The following TDP2 variants were observed in gnomAD, a reference collection of about 807,000 sequenced individuals.
The protein encoded by TDP2 is tyrosyl-DNA phosphodiesterase 2, also known as 5'-Tyr-DNA phosphodiesterase.
In TDP2, 38 loss-of-function variants were observed where a neutral mutation model predicts 42.8. That is an observed-to-expected ratio of 0.89 (90% confidence interval 0.68 to 1.16). The LOEUF is 1.16. TDP2 is among the 50% of genes most tolerant of loss of function. TDP2 has a pLI of 0.00. For missense variants in TDP2, 439 were observed against 439.3 expected (o/e 1.00, Z 0.01); for synonymous variants, 173 against 150.6 (o/e 1.15, Z -1.09).
At chr6:24,653,205 A>T in intron 5 of TDP2, 52 bp from the exon 6 acceptor site, 1 of 1,542,854 alleles carries the variant, frequency 6.5e-7, no homozygotes, top group Non-Finnish European at 8.9e-7. Context: ...TTAATACTGA[A>T]CTTTAATAAT....
chr6:24,659,494 CGTAG>C (rs1229552163), intron 2 of TDP2, among the ~76,000 whole-genome samples: 1 of 151,754 alleles, frequency 6.6e-6, no homozygotes, highest in African/African-American at 2.4e-5. Flanking sequence ...CTTTTGGGTT[CGTAG>C]ATAGATTCTT....
At chr6:24,657,734 A>G (rs750123342) in intron 4 of TDP2, 78 bp downstream of exon 4, 35 of 785,888 alleles carry the variant, frequency 4.5e-5, no homozygotes, top group Admixed American at 8.8e-5. Flanking sequence ...TCTATGTCCC[A>G]ATAGACCAAC....
chr6:24,651,734 G>A (rs930510092), intron 6 of TDP2, among the ~76,000 whole-genome samples: 1 of 152,104 alleles, frequency 6.6e-6, no homozygotes, highest in Non-Finnish European at 1.5e-5. Context: ...TCACAGGCAT[G>A]TGCCACAATG....
chr6:24,658,463 C>T (rs1047877676), intron 3 of TDP2, 98 bp downstream of exon 3: 30 of 921,384 alleles, frequency 3.3e-5, no homozygotes, highest in Middle Eastern at 4.6e-4. Context: ...CAGAGCTGGA[C>T]ATTGAACTTA....
intron 3 of TDP2, 34 bp downstream of exon 3, chr6:24,658,527 C>A: frequency 1.3e-6 from 2 of 1,554,030 alleles, no homozygotes; most frequent in Non-Finnish European, 8.8e-7. Flanking sequence ...ATACATAAGA[C>A]ACATTACTAT....
chr6:24,651,834 A>ACCTG (rs1777981094), intron 6 of TDP2, among the ~76,000 whole-genome samples: 1 of 152,104 alleles, frequency 6.6e-6, no homozygotes, highest in Non-Finnish European at 1.5e-5. Context: ...TGATCTGCCC[A>ACCTG]CCTCGGCCTC....
chr6:24,652,781 A>G, intron 6 of TDP2: 1 of 559,948 alleles, frequency 1.8e-6, no homozygotes, highest in Non-Finnish European at 3.2e-6. Context: ...TCTCATGCAC[A>G]TTTTTATTTT....
At chr6:24,651,259 C>T (rs999786094) in intron 6 of TDP2, among the ~76,000 whole-genome samples, 190 bp from the exon 7 acceptor site, 8 of 152,102 alleles carry the variant, frequency 5.3e-5, no homozygotes, top group African/African-American at 1.9e-4. Flanking sequence ...TCAAGACAGC[C>T]AGAGGGGTTT....
At chr6:24,654,906 C>T (rs1778039667) in intron 4 of TDP2, among the ~76,000 whole-genome samples, 1 of 152,234 alleles carries the variant, frequency 6.6e-6, no homozygotes, top group East Asian at 1.9e-4. Flanking sequence ...GGCGTGGTGG[C>T]ACATGCCTGT....
At chr6:24,662,814 C>T (rs965093410) in intron 2 of TDP2, among the ~76,000 whole-genome samples, 4 of 152,204 alleles carry the variant, frequency 2.6e-5, no homozygotes, top group African/African-American at 9.7e-5. Flanking sequence ...AGAGAAAAAG[C>T]CAAGTGATTC....
intron 4 of TDP2, among the ~76,000 whole-genome samples, chr6:24,654,835 G>GT (rs1036790764): frequency 1.3e-5 from 2 of 152,174 alleles, no homozygotes; most frequent in African/African-American, 4.8e-5. Context: ...GAGGTCAGGA[G>GT]TTTGAGACCA....
intron 2 of TDP2, among the ~76,000 whole-genome samples, chr6:24,663,750 G>A (rs1219263629): frequency 1.3e-5 from 2 of 152,200 alleles, no homozygotes; most frequent in African/African-American, 2.4e-5. Flanking sequence ...AGGCCCAGCA[G>A]AGGCTGGGGC....
In TDP2 at chr6:24,657,795, A is replaced by T. The variant is rs1463341727; in HGVS notation, c.517+17T>A. On this transcript the variant is annotated intron_variant, in intron 4 of 6. Transcript: ENST00000378198. Reference sequence around the variant, plus strand: ...GTTTTTCAAAGAAAAGACAAGTTGAATAACAAAAATTGTTACCTGTAATAA... The same window carrying T: ...GTTTTTCAAAGAAAAGACAAGTTGATTAACAAAAATTGTTACCTGTAATAA... The T allele has an allele frequency of 1.4e-6, 2 of 1,429,446 alleles. No homozygotes were observed. The highest frequency in any genetic ancestry group is 1.9e-6 in the Non-Finnish European group (2 of 1,041,034). The allele number at this position is 1,429,446 out of a possible 1,614,324, so 88.5% of individuals were successfully genotyped here. A position where few individuals can be genotyped will look rare whatever the true frequency, so the allele number is the denominator to read the frequency against.
intron 2 of TDP2, among the ~76,000 whole-genome samples, chr6:24,660,638 T>C (rs1778126989): frequency 6.6e-6 from 1 of 152,234 alleles, no homozygotes; most frequent in Admixed American, 6.5e-5. Context: ...GATATAAGTT[T>C]TTCTTTTTCT....
At chr6:24,651,375 T>C (rs530773386) in intron 6 of TDP2, among the ~76,000 whole-genome samples, 1 of 152,362 alleles carries the variant, frequency 6.6e-6, no homozygotes, top group East Asian at 1.9e-4. Context: ...TTATCTGTTT[T>C]CAAAAACTGA....
At chr6:24,661,182 G>A (rs571189789) in intron 2 of TDP2, among the ~76,000 whole-genome samples, 1 of 152,278 alleles carries the variant, frequency 6.6e-6, no homozygotes, top group East Asian at 1.9e-4. Context: ...TATCAATACG[G>A]CAGTTCCCAA....
chr6:24,658,478 T>A, intron 3 of TDP2, 83 bp downstream of exon 3: 1 of 1,126,172 alleles, frequency 8.9e-7, no homozygotes, highest in Non-Finnish European at 1.2e-6. Context: ...AACTTAGGTT[T>A]AATTCTAAAG....
Position 24,650,774 on chromosome 6 carries a change from A to C in TDP2, c.*14T>G, listed in dbSNP as rs370543848. 3 of 1,609,672 alleles carry C rather than the reference A, an allele frequency of 1.9e-6. No homozygotes were observed. The highest frequency in any genetic ancestry group is 1.3e-5 in the African/African-American group (1 of 74,718). On this transcript the variant is annotated 3_prime_UTR_variant, in exon 7 of 7. Coordinates refer to ENST00000378198, the MANE Select transcript of TDP2 (RefSeq NM_016614.3). ...TTGCAACAATCAGGGCAAAACCCAC[A>C]CTTGAAAAGCATTTTACAATATTAT...
At position 24,666,061 on chromosome 6, in the gene TDP2, G is replaced by A. The variant is rs1157796754; in HGVS notation, c.251+465C>T. 3.9e-6 allele frequency: 6 copies of A among 1,519,422 alleles called. No homozygotes were observed. The Admixed American group carries it at 6.5e-5, about 17-fold the overall frequency. The allele number at this position is 1,519,422 out of a possible 1,614,324, so 94.1% of individuals were successfully genotyped here. ...CTTTTTAAGTGCAGGAACTGGAGAG[G>A]GGCACTGAAATAACAGGAGTAGGTG... On this transcript the variant is annotated intron_variant, in intron 2 of 6. Transcript: ENST00000378198.
Sources: allele counts gnomAD v4.1 joint callset (sites outside exome capture counted in the v4.1 genomes callset), GRCh38; gene constraint gnomAD v4.1.1; transcripts MANE v1.5; gene names NCBI Gene and HGNC (gene_info 2026-07-23, HGNC 2026-07-21).